PAM: variants seen among roughly 807,000 people sequenced by gnomAD.
PAM encodes peptidyl-glycine alpha-amidating monooxygenase.
Under a neutral mutation model 122.1 loss-of-function variants are expected in PAM, and 72 were observed. The ratio of observed to expected loss-of-function variants is 0.59; its 90% CI spans 0.49 to 0.72. The LOEUF (loss-of-function observed/expected upper bound fraction) is 0.72, where lower values mean the gene tolerates loss of function less well. Among genes scored for constraint, PAM ranks in the 30% least tolerant of loss-of-function variants. The pLI, the probability that PAM is intolerant of heterozygous loss-of-function variation, is 0.00. For synonymous variants in PAM, 389 were observed against 404.4 expected (o/e 0.96, Z 0.46); for missense variants, 1,106 against 1,183.7 (o/e 0.93, Z 0.96).
chr5:102,886,938 C>G (rs1793297977), intron 3 of PAM, among the ~76,000 whole-genome samples: 1 of 152,030 alleles, frequency 6.6e-6, no homozygotes, highest in Admixed American at 6.6e-5. Context: ...TTCTTCTGTT[C>G]TTCAATACAG....
chr5:102,997,823 C>T (rs115665550), intron 16 of PAM, among the ~76,000 whole-genome samples: 2,800 of 152,304 alleles, frequency 0.018, 39 homozygotes, highest in Middle Eastern at 0.058. Context: ...CATTTGTGTG[C>T]AGTGCAGAAC....
At chr5:102,827,665 A>ATTTTTTTTT (rs947792228) in intron 1 of PAM, among the ~76,000 whole-genome samples, 2 of 35,574 alleles carry the variant, frequency 5.6e-5, no homozygotes, top group African/African-American at 1.9e-4. Context: ...GCTCACTATG[A>ATTTTTTTTT]TTTTTTTTTT....
chr5:103,013,608 G>A (rs537925292), intron 21 of PAM, among the ~76,000 whole-genome samples: 2 of 152,092 alleles, frequency 1.3e-5, no homozygotes, highest in Non-Finnish European at 2.9e-5. Context: ...AGTAACGGTG[G>A]TAAAAGTAAA....
At chr5:102,940,428 G>GTA (rs535846318) in intron 7 of PAM, among the ~76,000 whole-genome samples, 107 of 146,678 alleles carry the variant, frequency 7.3e-4, no homozygotes, top group Non-Finnish European at 9.6e-4. Context: ...CATTTAAAGT[G>GTA]TATATATATA....
intron 1 of PAM, among the ~76,000 whole-genome samples, chr5:102,864,163 CATAT>C (rs373189336): frequency 4.6e-4 from 64 of 140,608 alleles, no homozygotes; most frequent in African/African-American, 1.1e-3. Context: ...ATCCCTTCTT[CATAT>C]ATATATATAT....
intron 1 of PAM, among the ~76,000 whole-genome samples, chr5:102,777,707 T>G (rs1323610487): frequency 6.6e-6 from 1 of 152,146 alleles, no homozygotes; most frequent in Non-Finnish European, 1.5e-5. Flanking sequence ...GAACATGGAA[T>G]GTCACCATTC....
At chr5:102,987,624 C>T (rs1343200104) in intron 15 of PAM, 2 of 426,450 alleles carry the variant, frequency 4.7e-6, no homozygotes, top group Non-Finnish European at 9.2e-6. Flanking sequence ...CAAAATATCA[C>T]ATGTACCCTA....
chr5:102,822,900 A>G (rs938942761), intron 1 of PAM, among the ~76,000 whole-genome samples: 1 of 152,116 alleles, frequency 6.6e-6, no homozygotes, highest in African/African-American at 2.4e-5. Flanking sequence ...ACATGTGCCC[A>G]CCTGGATTCC....
chr5:102,828,576 A>G lies in PAM; in HGVS notation c.-373-37247A>G, dbSNP rs1774366038. Reference sequence around the variant, plus strand: ...TTACTTACCCTCTCTTGCTTCTCTAATCTATAAAATGGGGCTAATAATACA... The same window carrying G: ...TTACTTACCCTCTCTTGCTTCTCTAGTCTATAAAATGGGGCTAATAATACA... On this transcript the variant is annotated intron_variant, in intron 1 of 25. Coordinates refer to ENST00000438793, the MANE Select transcript of PAM (RefSeq NM_001177306.2). Among the ~76,000 whole-genome samples, 4 of 152,192 alleles carry G rather than the reference A, an allele frequency of 2.6e-5. No individual in the cohort carries two copies. The South Asian group carries it at 8.3e-4, about 32-fold the overall frequency.
chr5:102,949,432 C>G (rs1758048473), intron 9 of PAM, 105 bp from the exon 10 acceptor site: 1 of 742,810 alleles, frequency 1.3e-6, no homozygotes, highest in African/African-American at 1.7e-5. Flanking sequence ...ATAAGAAAAC[C>G]TCAGTCCCTA....
chr5:102,771,974 TGGA>T (rs1357751986), intron 1 of PAM, among the ~76,000 whole-genome samples: 1 of 152,074 alleles, frequency 6.6e-6, no homozygotes, highest in African/African-American at 2.4e-5. Flanking sequence ...TTTTGTAGAG[TGGA>T]GAAGAAAACC....
chr5:102,788,592 G>A (rs1406490325), intron 1 of PAM, among the ~76,000 whole-genome samples: 1 of 152,024 alleles, frequency 6.6e-6, no homozygotes, highest in Non-Finnish European at 1.5e-5. Flanking sequence ...AAGCACAAAG[G>A]ATCCTCACAA....
At chr5:102,948,775 C>G (rs1484066679) in intron 9 of PAM, among the ~76,000 whole-genome samples, 1 of 151,948 alleles carries the variant, frequency 6.6e-6, no homozygotes, top group Non-Finnish European at 1.5e-5. Context: ...TGAGCAGTGA[C>G]ATAAACTTCT....
intron 1 of PAM, among the ~76,000 whole-genome samples, chr5:102,833,116 C>A (rs1489526492): frequency 1.3e-5 from 2 of 151,896 alleles, no homozygotes; most frequent in Admixed American, 1.3e-4. Context: ...ATACATAGGA[C>A]AACTGAAAAG....
Position 102,827,822 on chromosome 5 carries a change from G to A in PAM, c.-373-38001G>A. Reference sequence around the variant, plus strand: ...CTGCCTCAGCCTCCCGAGTAGCTGGGACTACAGGCGCCCGCCACTACGCCC... The same window carrying A: ...CTGCCTCAGCCTCCCGAGTAGCTGGAACTACAGGCGCCCGCCACTACGCCC... On this transcript the variant is annotated intron_variant, in intron 1 of 25. Transcript: ENST00000438793. 1.2e-4 allele frequency among the ~76,000 whole-genome samples: 2 copies of A among 17,308 alleles called. 1 individual carries two copies. Among genetic ancestry groups the A allele is most frequent in the East Asian group, 3.8e-3 (2 of 520 alleles). 11.4% of individuals were successfully genotyped at this position (17,308 alleles called of 152,430 possible).
chr5:102,931,802 AAC>A (rs201301707), intron 7 of PAM, among the ~76,000 whole-genome samples: 27 of 142,550 alleles, frequency 1.9e-4, no homozygotes, highest in African/African-American at 4.1e-4. Context: ...AACAACAAAC[AAC>A]ACACTCTCTC....
At chr5:102,914,293 G>C (rs1581646835) in intron 5 of PAM, among the ~76,000 whole-genome samples, 1 of 152,016 alleles carries the variant, frequency 6.6e-6, no homozygotes, top group Non-Finnish European at 1.5e-5. Context: ...ACCCCAAAAG[G>C]GGCTGGGAGA....
intron 16 of PAM, among the ~76,000 whole-genome samples, chr5:102,995,695 T>C (rs1244211789): frequency 5.3e-5 from 8 of 152,118 alleles, no homozygotes; most frequent in Admixed American, 3.3e-4. Context: ...TACCTAGTTC[T>C]TTTTTCTCTT....
In PAM at chr5:102,949,526, A is replaced by C. The variant is rs376441395; in HGVS notation, c.644-11A>C. On this transcript the variant is annotated splice_polypyrimidine_tract_variant and intron_variant, in intron 9 of 25. Coordinates refer to ENST00000438793, the MANE Select transcript of PAM (RefSeq NM_001177306.2). ...AATAGTGACTTTTGTCTGTGTTTTC[A>C]TTTCCCACAGTGGTGAATTCTGACA... 4.0e-4 allele frequency: 548 copies of C among 1,384,392 alleles called. 1 individual carries two copies. Among genetic ancestry groups the C allele is most frequent in the Middle Eastern group, 7.1e-4 (4 of 5,606 alleles). 85.8% of individuals were successfully genotyped at this position (1,384,392 alleles called of 1,614,324 possible). A position where few individuals can be genotyped will look rare whatever the true frequency, so the allele number is the denominator to read the frequency against.
Sources: gnomAD v4.1 joint callset for allele counts (sites outside exome capture counted in the v4.1 genomes callset) on GRCh38, gnomAD v4.1.1 for gene constraint, MANE v1.5 for transcripts, NCBI Gene and HGNC (gene_info 2026-07-23, HGNC 2026-07-21) for gene names.